Variants in DOCK10 observed in about 807,000 individuals in gnomAD.
The protein encoded by DOCK10 is dedicator of cytokinesis 10.
A neutral mutation model predicts 280.1 loss-of-function variants in DOCK10; 145 were observed. That is an observed-to-expected ratio of 0.52 (90% CI 0.45 to 0.59). DOCK10 has a LOEUF of 0.59. DOCK10 is among the 20% of genes least tolerant of loss of function. The pLI is 0.00. For missense variants in DOCK10, 2,368 were observed against 2,651.7 expected, an observed-to-expected ratio of 0.89 and a Z score of 2.35; for synonymous variants, 915 against 942.2, an observed-to-expected ratio of 0.97 and a Z score of 0.53.
intron 1 of DOCK10, among the ~76,000 whole-genome samples, chr2:225,039,262 C>T (rs1345166835): frequency 6.6e-6 from 1 of 152,136 alleles, no homozygotes; most frequent in Non-Finnish European, 1.5e-5. Flanking sequence ...CATTTTCGGG[C>T]TGAAATTCTA....
intron 1 of DOCK10, among the ~76,000 whole-genome samples, chr2:224,975,891 A>C (rs964196628): frequency 1.3e-5 from 2 of 152,308 alleles, no homozygotes; most frequent in Non-Finnish European, 2.9e-5. Context: ...TAGAAGCTTG[A>C]TAACACCCTC....
At chr2:224,852,482 T>A (rs984058522) in intron 17 of DOCK10, 40 bp from the exon 18 acceptor site, 1 of 1,498,408 alleles carries the variant, frequency 6.7e-7, no homozygotes. Flanking sequence ...TGTAATTTCC[T>A]ATCAAATAAC....
Position 224,980,248 on chromosome 2 carries a change from CAG to C in DOCK10, c.124-48582_124-48581del, listed in dbSNP as rs530643049. On this transcript the variant is annotated intron_variant, in intron 1 of 55. Transcript: ENST00000258390. ...GAGCTCCACTCCACACCTTCTCAAA[CAG>C]AGTCTTTGGGGTCAAGAGCTCAAGG... is the stretch of plus-strand genomic sequence containing the variant. 1.1e-3 allele frequency among the ~76,000 whole-genome samples: 166 copies of C among 152,292 alleles called. 1 individual carries two copies. The highest frequency in any genetic ancestry group is 3.9e-3 in the African/African-American group (161 of 41,554).
chr2:224,802,089 G>A, intron 39 of DOCK10, 49 bp from the exon 40 acceptor site: 1 of 1,578,688 alleles, frequency 6.3e-7, no homozygotes. Flanking sequence ...GGATGTTATA[G>A]CCAAATAACA....
At chr2:224,976,497 C>A (rs1386398438) in intron 1 of DOCK10, among the ~76,000 whole-genome samples, 1 of 152,024 alleles carries the variant, frequency 6.6e-6, no homozygotes, top group East Asian at 1.9e-4. Context: ...GTCAGCATGT[C>A]TAGGTTATCT....
chr2:225,024,545 A>C (rs1373236935), intron 1 of DOCK10, among the ~76,000 whole-genome samples: 1 of 152,228 alleles, frequency 6.6e-6, no homozygotes. Context: ...TGTTTTACAA[A>C]TATGAATGCT....
rs114566034 is a variant in DOCK10 at position 225,012,722 on chromosome 2, T to A, written c.123+29530A>T. ...AATAATGGTTAACAATTATGTTGTATAATAGATACAATCCTAAACATTACT... is the reference window on the plus strand; with the variant it reads ...AATAATGGTTAACAATTATGTTGTAAAATAGATACAATCCTAAACATTACT... On this transcript the variant is annotated intron_variant, in intron 1 of 55. Transcript: ENST00000258390. Among the ~76,000 whole-genome samples the A allele has an allele frequency of 2.5e-3, 383 of 152,342 alleles. 1 individual carries two copies. Among genetic ancestry groups the A allele is most frequent in the African/African-American group, 8.9e-3 (369 of 41,574 alleles).
intron 2 of DOCK10, among the ~76,000 whole-genome samples, chr2:224,921,170 C>T (rs1293870455): frequency 2.3e-5 from 3 of 129,450 alleles, no homozygotes; most frequent in South Asian, 2.5e-4. Flanking sequence ...GGCATGGTGG[C>T]GGGCACCTGT....
intron 51 of DOCK10, 127 bp downstream of exon 51, chr2:224,778,011 A>C: frequency 3.1e-6 from 3 of 971,224 alleles, no homozygotes; most frequent in Non-Finnish European, 4.5e-6. Flanking sequence ...GCAAACAAGC[A>C]AAACATCTAA....
intron 55 of DOCK10, among the ~76,000 whole-genome samples, chr2:224,766,583 A>G (rs985290093): frequency 6.6e-6 from 1 of 152,244 alleles, no homozygotes; most frequent in Non-Finnish European, 1.5e-5. Context: ...TGATGTGTTC[A>G]AAGAGTAGAC....
chr2:224,964,383 G>A lies in DOCK10; in HGVS notation c.124-32715C>T, dbSNP rs147637363. On this transcript the variant is annotated intron_variant, in intron 1 of 55. Coordinates refer to ENST00000258390, the MANE Select transcript of DOCK10 (RefSeq NM_014689.3). ...CCTGACTCATCAGTAATTCCTTATT[G>A]AGGGCTTAAAGAGGCACAGGAACCA... is the stretch of plus-strand genomic sequence containing the variant. 9.2e-5 allele frequency among the ~76,000 whole-genome samples: 14 copies of A among 152,276 alleles called. No individual in the cohort carries two copies. In the East Asian group the frequency reaches 2.7e-3, roughly 29 times the overall value.
chr2:224,949,836 A>G (rs916344234), intron 1 of DOCK10, among the ~76,000 whole-genome samples: 3 of 152,264 alleles, frequency 2.0e-5, no homozygotes, highest in African/African-American at 7.2e-5. Flanking sequence ...TCTTAAAAAT[A>G]TCAACACATT....
At chr2:224,884,941 C>G (rs1206202070) in intron 7 of DOCK10, among the ~76,000 whole-genome samples, 1 of 152,182 alleles carries the variant, frequency 6.6e-6, no homozygotes, top group Admixed American at 6.5e-5. Flanking sequence ...CTTTGAATAT[C>G]TGAGACTTGC....
intron 4 of DOCK10, among the ~76,000 whole-genome samples, chr2:224,895,961 A>G (rs1003183111): frequency 6.6e-6 from 1 of 152,100 alleles, no homozygotes; most frequent in African/African-American, 2.4e-5. Context: ...GAATATTGTC[A>G]GAAAAACTAT....
intron 11 of DOCK10, among the ~76,000 whole-genome samples, chr2:224,872,390 A>G (rs1358243719): frequency 1.3e-5 from 2 of 152,190 alleles, no homozygotes; most frequent in African/African-American, 4.8e-5. Flanking sequence ...AGGAGTGAAG[A>G]CTGACAGTAG....
At chr2:224,886,644 G>A (rs1393653248) in intron 4 of DOCK10, 113 bp from the exon 5 acceptor site, 2 of 761,246 alleles carry the variant, frequency 2.6e-6, no homozygotes, top group East Asian at 2.7e-5. Context: ...ACAAATTTCT[G>A]TAAAATAATG....
chr2:224,965,877 C>T (rs1456657602), intron 1 of DOCK10, among the ~76,000 whole-genome samples: 2 of 152,166 alleles, frequency 1.3e-5, no homozygotes, highest in Admixed American at 1.3e-4. Flanking sequence ...TATTTTTCTT[C>T]TCACAGTATT....
chr2:224,777,380 G>T (rs1690952209), intron 51 of DOCK10, among the ~76,000 whole-genome samples: 1 of 152,152 alleles, frequency 6.6e-6, no homozygotes, highest in Non-Finnish European at 1.5e-5. Flanking sequence ...CCTCAATCTG[G>T]GTTGGCACCA....
intron 1 of DOCK10, among the ~76,000 whole-genome samples, chr2:224,984,504 C>T (rs1705910227): frequency 6.6e-6 from 1 of 152,182 alleles, no homozygotes. Flanking sequence ...CTGACAGGCT[C>T]TGAATATTCT....
Sources: allele counts gnomAD v4.1 joint callset (sites outside exome capture counted in the v4.1 genomes callset), GRCh38; gene constraint gnomAD v4.1.1; transcripts MANE v1.5; gene names NCBI Gene and HGNC (gene_info 2026-07-23, HGNC 2026-07-21).